Variants in ZNF683 observed in about 807,000 individuals in gnomAD.
ZNF683 encodes zinc finger protein 683, also known as tissue-resident T-cell transcription regulator protein ZNF683.
ZNF683 carries 20 observed loss-of-function variants against 31.4 expected under a neutral mutation model. The observed-to-expected ratio is 0.64, with a 90% CI of 0.45 to 0.93. The LOEUF is 0.93. Among genes scored for constraint, ZNF683 ranks in the 40% least tolerant of loss-of-function variants. The probability of loss-of-function intolerance (pLI) is 0.00; values close to 1 mark genes in which losing one functional copy is unlikely to be tolerated. For missense variants in ZNF683, 621 were observed against 637.2 expected, an observed-to-expected ratio of 0.97 and a Z score of 0.27; for synonymous variants, 264 against 267.6, an observed-to-expected ratio of 0.99 and a Z score of 0.13.
At position 26,361,791 on chromosome 1, in the gene ZNF683, T is replaced by G; in HGVS notation, c.1375A>C (p.Met459Leu). 1.9e-6 allele frequency: 3 copies of G among 1,614,030 alleles called. No homozygotes were observed. Among genetic ancestry groups the G allele is most frequent in the Non-Finnish European group, 2.5e-6 (3 of 1,179,900 alleles). The change falls in exon 6 of 6, where the codon ATG (methionine) becomes CTG (leucine). Residue 459 changes from methionine to leucine, a missense_variant. Coordinates refer to ENST00000349618, the MANE Select transcript of ZNF683 (RefSeq NM_001114759.3). ...ATGTGTTTCTCAGATGCCACCGCCA[T>G]AAGATCTAGTGCCCCCTGGTGCCAT... ...AQWHQGALDLMAVASEKHMGY... is the reference protein window; with the variant it reads ...AQWHQGALDLLAVASEKHMGY...
chr1:26,368,747 TGATGCGTAAG>T (rs2074593664), intron 1 of ZNF683, among the ~76,000 whole-genome samples, 162 bp from the exon 2 acceptor site: 1 of 152,334 alleles, frequency 6.6e-6, no homozygotes, highest in South Asian at 2.1e-4. Context: ...TTGGTCTAGT[TGATGCGTAAG>T]GATTCTCTCA....
Position 26,367,798 on chromosome 1 carries a change from C to G in ZNF683, c.115-1G>C. 6.3e-7 allele frequency: 1 copy of G among 1,577,728 alleles called. No individual in the cohort carries two copies. ...GAAGTGGTCTGCAGGCTGAGAAGAC[C>G]TGGAGGGCAGGGGCAAGGGGCTTGG... On this transcript the variant is annotated splice_acceptor_variant, in intron 2 of 5. Transcript: ENST00000349618. LOFTEE classifies it high-confidence loss of function.
At chr1:26,369,497 G>A (rs754374951) in intron 1 of ZNF683, among the ~76,000 whole-genome samples, 17 of 151,708 alleles carry the variant, frequency 1.1e-4, no homozygotes, top group Non-Finnish European at 1.9e-4. Context: ...GTGAAACCTC[G>A]TCTCTACCAA....
chr1:26,368,419 C>T lies in ZNF683; in HGVS notation c.114+39G>A, dbSNP rs1409673976. 4.6e-6 allele frequency: 7 copies of T among 1,511,224 alleles called. No individual in the cohort carries two copies. In the Admixed American group the frequency reaches 1.6e-4, roughly 35 times the overall value. The allele number at this position is 1,511,224 out of a possible 1,614,324, so 93.6% of individuals were successfully genotyped here. A position where few individuals can be genotyped will look rare whatever the true frequency, so the allele number is the denominator to read the frequency against. On this transcript the variant is annotated intron_variant, in intron 2 of 5. Transcript: ENST00000349618. ...TCCTAATGTCACCTCCTACTATAAGCAGACTACCCACAAAGGTAAGGCTGG... is the reference window on the plus strand; with the variant it reads ...TCCTAATGTCACCTCCTACTATAAGTAGACTACCCACAAAGGTAAGGCTGG...
At chr1:26,365,952 G>A (rs1047487564) in intron 3 of ZNF683, among the ~76,000 whole-genome samples, 19 of 151,998 alleles carry the variant, frequency 1.3e-4, no homozygotes, top group African/African-American at 4.4e-4. Flanking sequence ...AGGCCGAGGC[G>A]GGAAGATCAC....
At chr1:26,369,994 C>CTCAA (rs71765830) in intron 1 of ZNF683, among the ~76,000 whole-genome samples, 137 of 151,228 alleles carry the variant, frequency 9.1e-4, no homozygotes, top group South Asian at 1.9e-3. Context: ...AAGACCCTGT[C>CTCAA]TCAATCAATC....
chr1:26,362,481 T>C (rs1410866406), intron 5 of ZNF683, among the ~76,000 whole-genome samples: 1 of 152,070 alleles, frequency 6.6e-6, no homozygotes, highest in African/African-American at 2.4e-5. Context: ...TCCTATATTA[T>C]AGTAAGAAAG....
At chr1:26,369,477 G>A (rs993124587) in intron 1 of ZNF683, among the ~76,000 whole-genome samples, 54 of 152,150 alleles carry the variant, frequency 3.5e-4, no homozygotes, top group African/African-American at 1.3e-3. Context: ...AGACCAGCCT[G>A]ACGAACATGG....
In ZNF683 at chr1:26,365,014, CAG is replaced by C; in HGVS notation, c.530_531del (p.Pro177ArgfsTer37). On this transcript the variant is annotated frameshift_variant, in exon 4 of 6. Coordinates refer to ENST00000349618, the MANE Select transcript of ZNF683 (RefSeq NM_001114759.3). LOFTEE classifies it high-confidence loss of function. ...GGGAGCTCCTTGGAGATGGAGTTGA[CAG>C]GGGGACAGGGGCAGAAAGCCAAGGG... ...PSPLAFCPCP[P>X]VNSISKELPF... is the part of the protein sequence containing the mutation. 2 of 1,584,026 alleles carry C rather than the reference CAG, an allele frequency of 1.3e-6. No homozygotes were observed. The highest frequency in any genetic ancestry group is 1.7e-6 in the Non-Finnish European group (2 of 1,167,634).
upstream of ZNF683, among the ~76,000 whole-genome samples, chr1:26,373,648 C>T (rs182610905): frequency 3.7e-4 from 56 of 152,298 alleles, 1 homozygote; most frequent in East Asian, 8.7e-3. Flanking sequence ...AGACCTCCTG[C>T]GAGCTTTTCT....
chr1:26,361,875 G>A lies in ZNF683; in HGVS notation c.1291C>T (p.Gln431Ter), dbSNP rs776943048. Residue 431 changes from glutamine to a stop codon, truncating the protein, a stop_gained, in exon 6 of 6, where the codon CAG becomes TAG. Coordinates refer to ENST00000349618, the MANE Select transcript of ZNF683 (RefSeq NM_001114759.3). LOFTEE classifies it low-confidence loss of function (END_TRUNC). ...LKLHHRLHAPQPCGLVHTQLP... is the reference protein window; with the variant it reads ...LKLHHRLHAP ...TGGGTGTGCACCAGGCCACAGGGCT[G>A]TGGGGCATGCAGCCGATGGTGCAGC... 1.2e-6 allele frequency: 2 copies of A among 1,614,050 alleles called. No homozygotes were observed. Among genetic ancestry groups the A allele is most frequent in the South Asian group, 2.2e-5 (2 of 91,084 alleles).
intron 3 of ZNF683, among the ~76,000 whole-genome samples, chr1:26,367,197 C>A (rs2124168544): frequency 6.6e-6 from 1 of 152,068 alleles, no homozygotes; most frequent in East Asian, 2.0e-4. Context: ...ACCTGGGAGG[C>A]AGAGGTTGCG....
rs371111509 is a variant in ZNF683, at chr1:26,372,615, T to G, written c.-15+54A>C. 7.7e-5 allele frequency: 100 copies of G among 1,304,350 alleles called. No homozygotes were observed. In the East Asian group the frequency reaches 1.9e-3, roughly 25 times the overall value. 80.8% of individuals were successfully genotyped at this position (1,304,350 alleles called of 1,614,324 possible). On this transcript the variant is annotated intron_variant, in intron 1 of 5. Transcript: ENST00000349618. ...CTCTCAGAACACCTTGCACAACTTC[T>G]CTGTTAGAAAAAAATAAAAACTACT...
intron 2 of ZNF683, among the ~76,000 whole-genome samples, chr1:26,368,116 G>A (rs1289868624): frequency 6.6e-6 from 1 of 152,134 alleles, no homozygotes; most frequent in Non-Finnish European, 1.5e-5. Context: ...TAATTTGAAT[G>A]GCACCAAGTT....
At chr1:26,363,611 T>G (rs1344731502) in intron 4 of ZNF683, among the ~76,000 whole-genome samples, 2 of 151,572 alleles carry the variant, frequency 1.3e-5, no homozygotes, top group African/African-American at 4.9e-5. Flanking sequence ...GCACAAAAAA[T>G]TTGAAAGTTA....
chr1:26,372,269 C>T (rs192332500), intron 1 of ZNF683, among the ~76,000 whole-genome samples: 1 of 152,154 alleles, frequency 6.6e-6, no homozygotes, highest in Non-Finnish European at 1.5e-5. Context: ...CATAACTGAT[C>T]CCAACATGTT....
chr1:26,367,073 T>C (rs1359030783), intron 3 of ZNF683, among the ~76,000 whole-genome samples: 1 of 152,134 alleles, frequency 6.6e-6, no homozygotes, highest in African/African-American at 2.4e-5. Context: ...GAGACCAGCC[T>C]GGCCAACATG....
At chr1:26,366,870 A>T (rs912295930) in intron 3 of ZNF683, among the ~76,000 whole-genome samples, 8 of 152,110 alleles carry the variant, frequency 5.3e-5, no homozygotes, top group Non-Finnish European at 1.0e-4. Flanking sequence ...GTTAGCCAGG[A>T]TGGTCTCGAT....
chr1:26,373,557 G>A (rs7545927), upstream of ZNF683, among the ~76,000 whole-genome samples: 5,676 of 152,164 alleles, frequency 0.037, 396 homozygotes, highest in African/African-American at 0.13. Context: ...GTCCTGGGGT[G>A]TGATATTTGG....
Sources: allele counts gnomAD v4.1 joint callset (sites outside exome capture counted in the v4.1 genomes callset), GRCh38; gene constraint gnomAD v4.1.1; transcripts MANE v1.5; gene names NCBI Gene and HGNC (gene_info 2026-07-23, HGNC 2026-07-21).